The following ZNF518A variants were observed in gnomAD, a reference collection of about 807,000 sequenced individuals.
ZNF518A encodes the protein zinc finger protein 518.
Under a neutral mutation model 102.7 loss-of-function variants are expected in ZNF518A, and 47 were observed. The ratio of observed to expected loss-of-function variants is 0.46; its 90% CI spans 0.36 to 0.58. The LOEUF is 0.58. Among genes scored for constraint, ZNF518A ranks in the 20% least tolerant of loss-of-function variants. ZNF518A has a pLI of 0.00. For synonymous variants in ZNF518A, 652 were observed against 594.6 expected (o/e 1.10, Z -1.40); for missense variants, 1,793 against 1,699.8 (o/e 1.05, Z -0.96).
In ZNF518A at chr10:96,200,868, T is replaced by C. The variant is rs2083613883; in HGVS notation, n.36-2706T>C. 6 of 990,900 alleles carry C rather than the reference T, an allele frequency of 6.1e-6. No homozygotes were observed. The highest frequency in any genetic ancestry group is 1.6e-5 in the African/African-American group (1 of 62,582). 61.4% of individuals were successfully genotyped at this position (990,900 alleles called of 1,614,324 possible). A position where few individuals can be genotyped will look rare whatever the true frequency, so the allele number is the denominator to read the frequency against. On this transcript the variant is annotated intron_variant and non_coding_transcript_variant, in intron 1 of 2. Transcript: ENST00000442635. This position sits in a 1 kb window ranked among gnomAD's most constrained non-coding sequence, Gnocchi z 4.3. ...CCAAATGACAGTTCACATAATGATG[T>C]AAAATACAGTCTCTGTTCTCAAGGT...
chr10:96,133,074 A>C (rs1554872819), intron 2 of ZNF518A, among the ~76,000 whole-genome samples: 1 of 151,614 alleles, frequency 6.6e-6, no homozygotes, highest in Non-Finnish European at 1.5e-5. Context: ...ATGAGTTTTC[A>C]TTTTAATCTA....
chr10:96,135,497 T>G (rs975253945), intron 3 of ZNF518A, among the ~76,000 whole-genome samples: 2 of 152,242 alleles, frequency 1.3e-5, no homozygotes, highest in South Asian at 2.1e-4. Context: ...CTATACCTTA[T>G]AAAGAGTTCC....
chr10:96,138,967 G>T (rs2081767316), intron 3 of ZNF518A, among the ~76,000 whole-genome samples: 1 of 149,146 alleles, frequency 6.7e-6, no homozygotes, highest in Non-Finnish European at 1.5e-5. Flanking sequence ...TTTGAGGAAG[G>T]GATGGTTTAT....
Position 96,158,783 on chromosome 10 carries a change from G to A in ZNF518A, c.2461G>A (p.Glu821Lys), listed in dbSNP as rs782531264. ...TTGTGACCAGTCATTTCAAAAACACGAGAGAGAAGGCAAAATTGTTGAATC... is the reference window on the plus strand; with the variant it reads ...TTGTGACCAGTCATTTCAAAAACACAAGAGAGAAGGCAAAATTGTTGAATC... ...LHCDQSFQKHEREGKIVESSK... is the reference protein window; with the variant it reads ...LHCDQSFQKHKREGKIVESSK... The change falls in exon 6 of 6, where the codon GAG (glutamate) becomes AAG (lysine). Residue 821 changes from glutamate (E) to lysine (K), a missense_variant. Around this residue, in one of 3 missense-constraint regions of ZNF518A, gnomAD observed 1,741 missense variants for 1,622.6 expected, o/e 1.07. Coordinates refer to ENST00000316045, the MANE Select transcript of ZNF518A (RefSeq NM_001330736.2). 7 of 1,613,550 alleles carry A rather than the reference G, an allele frequency of 4.3e-6. No individual in the cohort carries two copies. Among genetic ancestry groups the A allele is most frequent in the Non-Finnish European group, 5.1e-6 (6 of 1,179,672 alleles).
At chr10:96,175,873 CCCTCCCTTCCTTCCTT>C (rs1379552390) in intron 1 of ZNF518A, among the ~76,000 whole-genome samples, 2 of 49,676 alleles carry the variant, frequency 4.0e-5, no homozygotes, top group African/African-American at 5.1e-5. Flanking sequence ...CTGCCTCCCT[CCCTCCCTTCCTTCCTT>C]CCTTCCTTCC....
At position 96,161,427 on chromosome 10, in the gene ZNF518A, AT is replaced by A. The variant is rs1350690463; in HGVS notation, c.*657del. 1.2e-5 allele frequency: 2 copies of A among 166,816 alleles called. No individual in the cohort carries two copies. The highest frequency in any genetic ancestry group is 6.6e-5 in the Admixed American group (1 of 15,250). The allele number at this position is 166,816 out of a possible 1,614,324, so 10.3% of individuals were successfully genotyped here. On this transcript the variant is annotated 3_prime_UTR_variant, in exon 6 of 6. Coordinates refer to ENST00000316045, the MANE Select transcript of ZNF518A (RefSeq NM_001330736.2). The stretch of plus-strand genomic sequence containing the variant: ...AGATTGGGAACACTCTCCCAAGGTG[AT>A]TTTCTTTTTCTAAGTGACTGTGTCA...
intron 1 of ZNF518A, among the ~76,000 whole-genome samples, chr10:96,171,929 AC>A (rs2083176136): frequency 6.6e-6 from 1 of 152,052 alleles, no homozygotes; most frequent in African/African-American, 2.4e-5. Flanking sequence ...GATGCATGGA[AC>A]CCCCAATAAG....
In ZNF518A at chr10:96,160,831, G is replaced by T; in HGVS notation, c.*57G>T. The T allele has an allele frequency of 2.1e-6, 3 of 1,444,690 alleles. No homozygotes were observed. Among genetic ancestry groups the T allele is most frequent in the Non-Finnish European group, 1.8e-6 (2 of 1,096,502 alleles). 89.5% of individuals were successfully genotyped at this position (1,444,690 alleles called of 1,614,324 possible). ...AAATTACCTTAGAAGAAAACAACGG[G>T]TTCAGTTACCATAATGCAGACATTT... On this transcript the variant is annotated 3_prime_UTR_variant, in exon 6 of 6. Coordinates refer to ENST00000316045, the MANE Select transcript of ZNF518A (RefSeq NM_001330736.2).
chr10:96,151,776 G>A (rs1554880445), intron 3 of ZNF518A, among the ~76,000 whole-genome samples: 1 of 152,118 alleles, frequency 6.6e-6, no homozygotes, highest in African/African-American at 2.4e-5. Flanking sequence ...TATATGGAAT[G>A]TTTTTCTAGT....
At position 96,156,383 on chromosome 10, in the gene ZNF518A, T is replaced by C. The variant is rs782297112; in HGVS notation, c.61T>C (p.Tyr21His). 5.8e-5 allele frequency: 93 copies of C among 1,601,984 alleles called. No individual in the cohort carries two copies. The highest frequency in any genetic ancestry group is 7.1e-5 in the Non-Finnish European group (83 of 1,176,622). The change falls in exon 6 of 6, where the codon TAT becomes CAT. Residue 21 changes from tyrosine to histidine, a missense_variant. Around this residue, in one of 3 missense-constraint regions of ZNF518A, gnomAD observed 1,741 missense variants for 1,622.6 expected, o/e 1.07. Transcript: ENST00000316045. ...DEKQTTLKKD[Y>H]DVKNEIVDRS... ...AAAACAAACTACTTTAAAAAAAGAT[T>C]ATGATGTGAAAAATGAGATAGTTGA...
intron 3 of ZNF518A, among the ~76,000 whole-genome samples, chr10:96,141,127 T>G (rs1216598541): frequency 1.3e-5 from 2 of 152,232 alleles, no homozygotes; most frequent in Admixed American, 6.5e-5. Flanking sequence ...ATATATGGGT[T>G]AGGCACTTGT....
chr10:96,160,122 A>C lies in ZNF518A; in HGVS notation c.3800A>C (p.Glu1267Ala), dbSNP rs1554886897. ...AAAACTCATGGAAGTAAAGACTCTG[A>C]AACTGCCTTTGTATCTAGAAACAGA... Reference protein sequence around the residue: ...KTKTHGSKDSETAFVSRNRNC... With the variant: ...KTKTHGSKDSATAFVSRNRNC... Residue 1267 changes from glutamate to alanine, a missense_variant, in exon 6 of 6, where the codon GAA (glutamate) becomes GCA (alanine). By Grantham distance (107) the Glu-to-Ala change is moderately radical (BLOSUM62 -1). This residue lies in a region of ZNF518A where 1,741 missense variants were observed against 1,622.6 expected (regional missense o/e 1.07). Coordinates refer to ENST00000316045, the MANE Select transcript of ZNF518A (RefSeq NM_001330736.2). 1 of 1,611,112 alleles carries C rather than the reference A, an allele frequency of 6.2e-7. No homozygotes were observed.
intron 2 of ZNF518A, chr10:96,132,961 A>G (rs1236184643): frequency 6.6e-6 from 1 of 152,188 alleles, no homozygotes; most frequent in African/African-American, 2.4e-5. Context: ...AAGCATTTCA[A>G]ATAAGAGACA....
chr10:96,160,810 T>TA lies in ZNF518A; in HGVS notation c.*37dup. The TA allele has an allele frequency of 6.7e-7, 1 of 1,485,042 alleles. No individual in the cohort carries two copies. Among genetic ancestry groups the TA allele is most frequent in the Non-Finnish European group, 8.9e-7 (1 of 1,120,898 alleles). 92.0% of individuals were successfully genotyped at this position (1,485,042 alleles called of 1,614,324 possible). A position where few individuals can be genotyped will look rare whatever the true frequency, so the allele number is the denominator to read the frequency against. On this transcript the variant is annotated 3_prime_UTR_variant, in exon 6 of 6. Transcript: ENST00000316045. ...TTACCAAGGAAAAGAAAAGTAAAAT[T>TA]ACCTTAGAAGAAAACAACGGGTTCA...
Position 96,200,852 on chromosome 10 carries a change from A to C in ZNF518A, n.36-2722A>C. The C allele has an allele frequency of 1.1e-6, 1 of 875,898 alleles. No individual in the cohort carries two copies. The highest frequency in any genetic ancestry group is 1.7e-5 in the African/African-American group (1 of 60,596). 54.3% of individuals were successfully genotyped at this position (875,898 alleles called of 1,614,324 possible). ...TATTCTGTCCCTATTACCAAATGAC[A>C]GTTCACATAATGATGTAAAATACAG... On this transcript the variant is annotated intron_variant and non_coding_transcript_variant, in intron 1 of 2. Coordinates refer to the ZNF518A transcript ENST00000442635. The surrounding 1 kb of genome is among the most constrained non-coding windows in gnomAD (Gnocchi z 4.3).
chr10:96,152,270 G>A (rs997363432), intron 3 of ZNF518A, among the ~76,000 whole-genome samples: 5 of 152,106 alleles, frequency 3.3e-5, no homozygotes, highest in Admixed American at 6.5e-5. Context: ...CTGAGATCAC[G>A]CCACTGCACT....
chr10:96,159,778 A>T lies in ZNF518A; in HGVS notation c.3456A>T (p.Leu1152Phe). The T allele has an allele frequency of 1.2e-6, 2 of 1,613,664 alleles. No homozygotes were observed. The highest frequency in any genetic ancestry group is 1.7e-6 in the Non-Finnish European group (2 of 1,179,784). Residue 1152 changes from leucine to phenylalanine, a missense_variant, in exon 6 of 6, where the codon TTA (leucine) becomes TTT (phenylalanine). This residue lies in a region of ZNF518A where 1,741 missense variants were observed against 1,622.6 expected (regional missense o/e 1.07). Transcript: ENST00000316045. The part of the protein sequence containing the change: ...RILLKIFNPV[L>F]NVTAANNLSV... ...TGCTGAAAATTTTTAACCCTGTTTT[A>T]AATGTGACTGCTGCTAATAATCTGT... is the stretch of plus-strand genomic sequence containing the variant.
At chr10:96,174,374 C>A (rs1454513910) in intron 1 of ZNF518A, among the ~76,000 whole-genome samples, 2 of 151,882 alleles carry the variant, frequency 1.3e-5, no homozygotes, top group Non-Finnish European at 2.9e-5. Context: ...TAAAGGAAAC[C>A]AAAATTTGGT....
At position 96,160,026 on chromosome 10, in the gene ZNF518A, G is replaced by A. The variant is rs1219074383; in HGVS notation, c.3704G>A (p.Cys1235Tyr). Reference protein sequence around the residue: ...SDCSESRVLRCKTNCRIERNF... With the variant: ...SDCSESRVLRYKTNCRIERNF... ...TGTTCAGAGTCCAGGGTATTAAGGT[G>A]TAAAACAAATTGTAGAATTGAGAGG... The change falls in exon 6 of 6, where the codon TGT (cysteine) becomes TAT (tyrosine). Residue 1235 changes from cysteine to tyrosine, a missense_variant. Transcript: ENST00000316045. The A allele has an allele frequency of 6.2e-7, 1 of 1,611,450 alleles. No homozygotes were observed. Among genetic ancestry groups the A allele is most frequent in the Non-Finnish European group, 8.5e-7 (1 of 1,179,174 alleles).
Sources: allele counts gnomAD v4.1 joint callset (sites outside exome capture counted in the v4.1 genomes callset), GRCh38; gene constraint gnomAD v4.1.1; regional missense constraint gnomAD v4.1.1; non-coding constraint Gnocchi (gnomAD v3.1); transcripts MANE v1.5; gene names NCBI Gene and HGNC (gene_info 2026-07-23, HGNC 2026-07-21).